The following KHDRBS2 variants were observed in gnomAD, a reference collection of about 807,000 sequenced individuals.
KHDRBS2 encodes KH domain-containing, RNA-binding, signal transduction-associated protein 2.
KHDRBS2 carries 26 observed loss-of-function variants against 44.3 expected under a neutral mutation model. The ratio of observed to expected loss-of-function variants is 0.59; its 90% CI spans 0.43 to 0.81. KHDRBS2 has a LOEUF of 0.81. KHDRBS2 is among the 40% of genes least tolerant of loss of function. KHDRBS2 has a pLI of 0.00. For missense variants in KHDRBS2, 476 were observed against 433.1 expected (o/e 1.10, Z -0.88); for synonymous variants, 194 against 151.1 (o/e 1.28, Z -2.08).
chr6:61,606,233 C>T, the KHDRBS2 span, among the ~76,000 whole-genome samples: 1 of 152,184 alleles, frequency 6.6e-6, no homozygotes, highest in Non-Finnish European at 1.5e-5. Context: ...ATTGCTCACA[C>T]AAAGCCTGTT....
At chr6:62,113,013 T>C (rs1347085298) in intron 2 of KHDRBS2, among the ~76,000 whole-genome samples, 1 of 152,122 alleles carries the variant, frequency 6.6e-6, no homozygotes, top group Admixed American at 6.6e-5. Context: ...AAAAGTATCA[T>C]TTATGTATAA....
Position 62,285,744 on chromosome 6 carries a change from A to G in KHDRBS2, c.91+114T>C, listed in dbSNP as rs868162611. 31 of 674,908 alleles carry G rather than the reference A, an allele frequency of 4.6e-5. No individual in the cohort carries two copies. The Middle Eastern group carries it at 2.0e-3, about 43-fold the overall frequency. 41.8% of individuals were successfully genotyped at this position (674,908 alleles called of 1,614,324 possible). ...CTCTAAGGCGAGCATCTTCAGGGGG[A>G]CAGTTTCTGCGAAGGCGGGGAGAGG... On this transcript the variant is annotated intron_variant, in intron 1 of 8. Coordinates refer to ENST00000281156, the MANE Select transcript of KHDRBS2 (RefSeq NM_152688.4).
intron 6 of KHDRBS2, among the ~76,000 whole-genome samples, chr6:61,761,058 T>C (rs1779197084): frequency 6.6e-6 from 1 of 152,184 alleles, no homozygotes; most frequent in Non-Finnish European, 1.5e-5. Context: ...CCGAATATCT[T>C]CCCCAGCTAC....
the KHDRBS2 span, among the ~76,000 whole-genome samples, chr6:61,622,765 C>A: frequency 6.6e-6 from 1 of 151,884 alleles, no homozygotes; most frequent in Non-Finnish European, 1.5e-5. Flanking sequence ...CATGGAAGAG[C>A]CCAGAATACA....
intron 2 of KHDRBS2, among the ~76,000 whole-genome samples, chr6:62,167,082 GT>G (rs1455095669): frequency 6.6e-6 from 1 of 152,006 alleles, no homozygotes; most frequent in Non-Finnish European, 1.5e-5. Flanking sequence ...CAGTTTTCCA[GT>G]TGAGGGTAAA....
At chr6:61,930,776 T>C (rs1434909029) in intron 4 of KHDRBS2, among the ~76,000 whole-genome samples, 1 of 151,854 alleles carries the variant, frequency 6.6e-6, no homozygotes, top group Non-Finnish European at 1.5e-5. Flanking sequence ...AAGAGACTAA[T>C]AATAAATACA....
intron 3 of KHDRBS2, among the ~76,000 whole-genome samples, chr6:61,994,561 G>C (rs1164234123): frequency 6.6e-6 from 1 of 152,142 alleles, no homozygotes; most frequent in Non-Finnish European, 1.5e-5. Context: ...TGAAGACTCT[G>C]TGTTATGAGT....
intron 2 of KHDRBS2, among the ~76,000 whole-genome samples, chr6:62,105,624 T>A (rs1370089256): frequency 6.6e-6 from 1 of 152,164 alleles, no homozygotes; most frequent in Non-Finnish European, 1.5e-5. Context: ...GGTGGTGATA[T>A]CCCCTTTATC....
chr6:61,894,120 G>T (rs1802492932), intron 6 of KHDRBS2, among the ~76,000 whole-genome samples: 1 of 152,014 alleles, frequency 6.6e-6, no homozygotes, highest in African/African-American at 2.4e-5. Flanking sequence ...TGGAAACACT[G>T]CATTTTGTCT....
chr6:62,017,137 C>T (rs898527866), intron 3 of KHDRBS2, among the ~76,000 whole-genome samples: 4 of 152,036 alleles, frequency 2.6e-5, no homozygotes, highest in African/African-American at 4.8e-5. Context: ...ATAATATATA[C>T]TACGTTCTTT....
intron 4 of KHDRBS2, among the ~76,000 whole-genome samples, chr6:61,966,750 C>A (rs1170882619): frequency 2.0e-5 from 3 of 151,930 alleles, no homozygotes; most frequent in Non-Finnish European, 4.4e-5. Context: ...TTTTGAGAGT[C>A]TTAAGCTTCC....
chr6:62,038,796 T>A (rs1486633389), intron 3 of KHDRBS2, among the ~76,000 whole-genome samples: 1 of 152,078 alleles, frequency 6.6e-6, no homozygotes, highest in Non-Finnish European at 1.5e-5. Context: ...CTTAACAGGA[T>A]CTTTCTAAAA....
intron 6 of KHDRBS2, among the ~76,000 whole-genome samples, chr6:61,808,842 TC>T (rs1787612904): frequency 6.6e-6 from 1 of 152,064 alleles, no homozygotes; most frequent in South Asian, 2.1e-4. Flanking sequence ...TTTCTTTTTT[TC>T]TTTCTTGATT....
the KHDRBS2 span, among the ~76,000 whole-genome samples, chr6:61,626,571 CT>C: frequency 6.6e-6 from 1 of 152,090 alleles, no homozygotes; most frequent in Non-Finnish European, 1.5e-5. Flanking sequence ...TGAAATCACT[CT>C]TTTTTTAGAG....
intron 6 of KHDRBS2, among the ~76,000 whole-genome samples, chr6:61,744,127 C>A (rs1329500814): frequency 6.6e-6 from 1 of 152,054 alleles, no homozygotes; most frequent in African/African-American, 2.4e-5. Flanking sequence ...CTATGCATAT[C>A]TGAGATTTTA....
chr6:62,005,576 G>A (rs1204900690), intron 3 of KHDRBS2, among the ~76,000 whole-genome samples: 1 of 151,168 alleles, frequency 6.6e-6, no homozygotes, highest in Non-Finnish European at 1.5e-5. Flanking sequence ...AAAGTCTTTA[G>A]GGACCAAAAA....
At chr6:62,198,965 A>G (rs533907635) in intron 1 of KHDRBS2, among the ~76,000 whole-genome samples, 3 of 152,312 alleles carry the variant, frequency 2.0e-5, no homozygotes, top group Admixed American at 6.5e-5. Context: ...TCCAGCATAT[A>G]AACAGAACCA....
At chr6:61,983,081 A>C (rs1332149123) in intron 3 of KHDRBS2, among the ~76,000 whole-genome samples, 1 of 148,324 alleles carries the variant, frequency 6.7e-6, no homozygotes, top group African/African-American at 2.5e-5. Context: ...ATCTGTTCTC[A>C]AAAAAAAAAT....
chr6:62,060,265 G>A (rs1243129787), intron 2 of KHDRBS2, among the ~76,000 whole-genome samples: 2 of 151,780 alleles, frequency 1.3e-5, no homozygotes, highest in Admixed American at 6.6e-5. Context: ...TAGTTCAATT[G>A]AAGGGTTTGA....
Sources: gnomAD v4.1 joint callset for allele counts (sites outside exome capture counted in the v4.1 genomes callset) on GRCh38, gnomAD v4.1.1 for gene constraint, MANE v1.5 for transcripts, NCBI Gene and HGNC (gene_info 2026-07-23, HGNC 2026-07-21) for gene names.